The following RANBP17 variants were observed in gnomAD, a reference collection of about 807,000 sequenced individuals.
The protein encoded by RANBP17 is ran-binding protein 17.
Under a neutral mutation model 141.2 loss-of-function variants are expected in RANBP17, and 158 were observed. The observed-to-expected ratio is 1.12, with a 90% CI of 0.98 to 1.28. The LOEUF (loss-of-function observed/expected upper bound fraction) is 1.28. RANBP17 is among the 50% of genes most tolerant of loss of function. The pLI is 0.00. For missense variants in RANBP17, 1,438 were observed against 1,290.7 expected, an observed-to-expected ratio of 1.11 and a Z score of -1.75; for synonymous variants, 430 against 450.0, an observed-to-expected ratio of 0.96 and a Z score of 0.56.
At chr5:171,182,212 C>T (rs1371849046) in intron 16 of RANBP17, among the ~76,000 whole-genome samples, 4 of 152,136 alleles carry the variant, frequency 2.6e-5, no homozygotes, top group Non-Finnish European at 5.9e-5. Context: ...TCAAGAAAGG[C>T]GTGAGTAGGT....
rs909548184 is a variant in RANBP17 at position 171,229,176 on chromosome 5, C to T, written c.2422+7336C>T. Reference sequence around the variant, plus strand: ...GTCCAGGAACTATGGATATGGTCTTCGATCTTGTCAGTTGGTTAAGGCATA... The same window carrying T: ...GTCCAGGAACTATGGATATGGTCTTTGATCTTGTCAGTTGGTTAAGGCATA... On this transcript the variant is annotated intron_variant, in intron 22 of 27. Coordinates refer to ENST00000523189, the MANE Select transcript of RANBP17 (RefSeq NM_022897.5). 3.3e-5 allele frequency among the ~76,000 whole-genome samples: 5 copies of T among 152,256 alleles called. No homozygotes were observed. The East Asian group carries it at 7.7e-4, about 23-fold the overall frequency.
chr5:170,871,760 A>G (rs953755522), intron 1 of RANBP17, among the ~76,000 whole-genome samples: 7 of 152,180 alleles, frequency 4.6e-5, no homozygotes, highest in African/African-American at 1.4e-4. Flanking sequence ...TCCCAGCACC[A>G]TCTATTAAAT....
chr5:170,975,483 G>A (rs762548347), intron 14 of RANBP17, among the ~76,000 whole-genome samples: 2 of 152,118 alleles, frequency 1.3e-5, no homozygotes, highest in Non-Finnish European at 2.9e-5. Flanking sequence ...CCGAGATTGC[G>A]CCACTGCACT....
chr5:171,062,236 T>C (rs1346363075), intron 14 of RANBP17, among the ~76,000 whole-genome samples: 3 of 152,172 alleles, frequency 2.0e-5, no homozygotes, highest in Non-Finnish European at 4.4e-5. Context: ...CGTTAGTTGA[T>C]GGAGTTTCTT....
chr5:171,000,302 A>G (rs1230195821), intron 14 of RANBP17, among the ~76,000 whole-genome samples: 2 of 152,120 alleles, frequency 1.3e-5, no homozygotes, highest in South Asian at 2.1e-4. Flanking sequence ...AGGAACCTCC[A>G]TGCTCTTTTC....
At chr5:171,122,389 C>A (rs1756104736) in intron 14 of RANBP17, among the ~76,000 whole-genome samples, 2 of 152,070 alleles carry the variant, frequency 1.3e-5, no homozygotes, top group African/African-American at 2.4e-5. Context: ...GGTGTGACTT[C>A]AAGATGGCTG....
At chr5:171,224,127 G>GT (rs1763747373) in intron 22 of RANBP17, among the ~76,000 whole-genome samples, 1 of 152,142 alleles carries the variant, frequency 6.6e-6, no homozygotes, top group Non-Finnish European at 1.5e-5. Flanking sequence ...TTTGGACAGG[G>GT]GTTCAACAAC....
intron 14 of RANBP17, among the ~76,000 whole-genome samples, chr5:170,993,750 A>G (rs562989995): frequency 2.0e-5 from 3 of 152,070 alleles, no homozygotes; most frequent in Non-Finnish European, 4.4e-5. Flanking sequence ...AATTTAACCA[A>G]TATACACTGT....
intron 14 of RANBP17, among the ~76,000 whole-genome samples, chr5:171,136,404 C>A (rs1238849335): frequency 2.0e-5 from 3 of 151,942 alleles, no homozygotes; most frequent in African/African-American, 7.3e-5. Flanking sequence ...GATTTTCTCA[C>A]CTTTTTTTTT....
At chr5:170,968,647 A>G (rs1427809912) in intron 14 of RANBP17, 1 of 506,996 alleles carries the variant, frequency 2.0e-6, no homozygotes, top group Non-Finnish European at 3.8e-6. Context: ...ACACTAATCA[A>G]TTTTGCCTTA....
chr5:171,250,922 C>A (rs1765517173), intron 24 of RANBP17, among the ~76,000 whole-genome samples: 1 of 152,156 alleles, frequency 6.6e-6, no homozygotes, highest in Non-Finnish European at 1.5e-5. Flanking sequence ...TTAAACAGAT[C>A]ATCTAGACAG....
chr5:171,180,724 A>G (rs931339492), intron 16 of RANBP17, among the ~76,000 whole-genome samples: 2 of 152,200 alleles, frequency 1.3e-5, no homozygotes, highest in Non-Finnish European at 2.9e-5. Flanking sequence ...TCTTTATTGA[A>G]AAATATAAAA....
At chr5:171,156,839 G>A (rs1758938703) in intron 14 of RANBP17, among the ~76,000 whole-genome samples, 1 of 152,088 alleles carries the variant, frequency 6.6e-6, no homozygotes, top group Non-Finnish European at 1.5e-5. Flanking sequence ...TGACAAAGAG[G>A]CTAAGAGTGC....
At chr5:171,051,092 G>A (rs1280439275) in intron 14 of RANBP17, among the ~76,000 whole-genome samples, 1 of 152,014 alleles carries the variant, frequency 6.6e-6, no homozygotes, top group Non-Finnish European at 1.5e-5. Context: ...TTTTTCTTGG[G>A]CTGCTTTCAG....
intron 14 of RANBP17, among the ~76,000 whole-genome samples, chr5:171,057,382 A>G (rs1309914114): frequency 6.6e-6 from 1 of 152,092 alleles, no homozygotes; most frequent in Non-Finnish European, 1.5e-5. Flanking sequence ...TATTTTATAC[A>G]TATTTATATA....
chr5:171,176,344 A>C (rs952033532), intron 16 of RANBP17, among the ~76,000 whole-genome samples: 1 of 152,180 alleles, frequency 6.6e-6, no homozygotes, highest in Non-Finnish European at 1.5e-5. Flanking sequence ...TACAATAATT[A>C]GAACTTCATC....
intron 16 of RANBP17, among the ~76,000 whole-genome samples, chr5:171,177,292 G>A (rs1760548898): frequency 6.6e-6 from 1 of 152,026 alleles, no homozygotes; most frequent in Non-Finnish European, 1.5e-5. Context: ...CCTTCACCAA[G>A]TTCTTTAGAT....
intron 21 of RANBP17, among the ~76,000 whole-genome samples, chr5:171,214,361 C>T (rs1561770590): frequency 1.3e-5 from 2 of 152,198 alleles, no homozygotes; most frequent in African/African-American, 2.4e-5. Flanking sequence ...TTCAAATATT[C>T]TCCATATAAA....
intron 25 of RANBP17, among the ~76,000 whole-genome samples, chr5:171,268,868 T>C (rs1198232120): frequency 6.6e-6 from 1 of 152,216 alleles, no homozygotes; most frequent in Non-Finnish European, 1.5e-5. Context: ...TACCATATCA[T>C]GTTTTGCAAA....
Sources: gnomAD v4.1 joint callset for allele counts (sites outside exome capture counted in the v4.1 genomes callset) on GRCh38, gnomAD v4.1.1 for gene constraint, MANE v1.5 for transcripts, NCBI Gene and HGNC (gene_info 2026-07-23, HGNC 2026-07-21) for gene names.